Variants in ANKRD18A observed in about 807,000 individuals in gnomAD.
The protein encoded by ANKRD18A is ankyrin repeat domain 18A, also known as ankyrin repeat domain-containing protein 18A.
A neutral mutation model predicts 110.6 loss-of-function variants in ANKRD18A; 72 were observed. That is an observed-to-expected ratio of 0.65 (90% CI 0.54 to 0.79). ANKRD18A has a LOEUF of 0.79. Among genes scored for constraint, ANKRD18A ranks in the 30% least tolerant of loss-of-function variants. The probability of loss-of-function intolerance (pLI) is 0.00; values close to 1 mark genes in which losing one functional copy is unlikely to be tolerated. For missense variants in ANKRD18A, 934 were observed against 1,163.3 expected (o/e 0.80, Z 2.87); for synonymous variants, 305 against 410.3 (o/e 0.74, Z 3.10).
chr9:38,611,365 T>G, intron 3 of ANKRD18A, 44 bp from the exon 4 acceptor site: 2 of 1,500,076 alleles, frequency 1.3e-6, no homozygotes, highest in Non-Finnish European at 1.8e-6. Flanking sequence ...AAATTACATA[T>G]TTCTCCACTG....
intron 12 of ANKRD18A, among the ~76,000 whole-genome samples, chr9:38,579,436 A>G (rs1824054517): frequency 1.3e-5 from 2 of 152,190 alleles, no homozygotes; most frequent in Admixed American, 1.3e-4. Context: ...CAAATATCCA[A>G]AGTACACAAG....
In ANKRD18A at chr9:38,620,014, G is replaced by A. The variant is rs576459432; in HGVS notation, c.206+66C>T. 5.6e-5 allele frequency: 85 copies of A among 1,530,896 alleles called. 1 individual carries two copies. The South Asian group carries it at 8.4e-4, about 15-fold the overall frequency. The allele number at this position is 1,530,896 out of a possible 1,614,324, so 94.8% of individuals were successfully genotyped here. On this transcript the variant is annotated intron_variant, in intron 1 of 15. Coordinates refer to ENST00000399703, the MANE Select transcript of ANKRD18A (RefSeq NM_147195.4). ...GCCCTCCAAGGTCCCCGCCCCAGGG[G>A]CTGCCGGGCTGCAGGGAAGCCGGGC...
chr9:38,571,005 T>C, downstream of ANKRD18A: 1 of 1,166,486 alleles, frequency 8.6e-7, no homozygotes, highest in Non-Finnish European at 1.1e-6. Context: ...AGCCCCGACC[T>C]AGAGACACAG....
chr9:38,569,389 G>A (rs1363036352), downstream of ANKRD18A: 3 of 985,258 alleles, frequency 3.0e-6, no homozygotes, highest in African/African-American at 5.2e-5. Flanking sequence ...GAAGAGAGCA[G>A]GTCCCACTCA....
Position 38,577,938 on chromosome 9 carries a change from G to C in ANKRD18A, c.2458C>G (p.Gln820Glu), listed in dbSNP as rs780646647. ...EKDMVELGKLQEYKSELDERA... is the reference protein window; with the variant it reads ...EKDMVELGKLEEYKSELDERA... ...TCATCCAGCTCCGATTTATATTCTT[G>C]TAGTTTACCAAGTTCTACCATATCT... is the stretch of plus-strand genomic sequence containing the variant. The change falls in exon 13 of 16, where the codon CAA (glutamine) becomes GAA (glutamate). Residue 820 changes from glutamine (Q) to glutamate (E), a missense_variant. By Grantham distance (29) the Gln-to-Glu change is conservative. Coordinates refer to ENST00000399703, the MANE Select transcript of ANKRD18A (RefSeq NM_147195.4). 3.1e-6 allele frequency: 5 copies of C among 1,593,848 alleles called. No homozygotes were observed. Among genetic ancestry groups the C allele is most frequent in the Non-Finnish European group, 4.3e-6 (5 of 1,168,750 alleles).
chr9:38,609,940 C>CAAAA, intron 5 of ANKRD18A, among the ~76,000 whole-genome samples: 1 of 91,124 alleles, frequency 1.1e-5, no homozygotes, highest in East Asian at 2.8e-4. Context: ...GACCTTGTCT[C>CAAAA]AAAAAAAAAA....
intron 7 of ANKRD18A, among the ~76,000 whole-genome samples, chr9:38,602,791 C>T (rs182557046): frequency 1.2e-4 from 19 of 152,262 alleles, no homozygotes; most frequent in Non-Finnish European, 2.5e-4. Flanking sequence ...CTGCTTTGGC[C>T]TCCCAGGTAG....
At chr9:38,570,162 T>C (rs1974261), downstream of ANKRD18A, among the ~76,000 whole-genome samples, 49,973 of 151,594 alleles carry the variant, frequency 0.33, 8,656 homozygotes, top group East Asian at 0.44. Context: ...ACGGACCATG[T>C]CTCCCTAACC....
chr9:38,608,541 A>G (rs1314995537), intron 5 of ANKRD18A, among the ~76,000 whole-genome samples: 2 of 147,556 alleles, frequency 1.4e-5, no homozygotes, highest in Non-Finnish European at 3.0e-5. Context: ...TAATTATATA[A>G]TATATAGATT....
Position 38,620,366 on chromosome 9 carries a change from A to G in ANKRD18A, c.-81T>C, listed in dbSNP as rs1250622101. ...GGCCTTTCCACCCCCACTCCGCCCC[A>G]AATCCGCGATCTCCCCCGCAACCCG... On this transcript the variant is annotated 5_prime_UTR_variant, in exon 1 of 16. Coordinates refer to ENST00000399703, the MANE Select transcript of ANKRD18A (RefSeq NM_147195.4). 7 of 1,178,890 alleles carry G rather than the reference A, an allele frequency of 5.9e-6. No homozygotes were observed. The highest frequency in any genetic ancestry group is 7.8e-6 in the Non-Finnish European group (7 of 902,088). 73.0% of individuals were successfully genotyped at this position (1,178,890 alleles called of 1,614,324 possible). A position where few individuals can be genotyped will look rare whatever the true frequency, so the allele number is the denominator to read the frequency against.
At position 38,571,758 on chromosome 9, in the gene ANKRD18A, G is replaced by A. The variant is rs1283793230; in HGVS notation, c.*287C>T. ...TGAGTAGGCCAAACTCAATAACGCT[G>A]GTGTTCATTTGCAAGATCCACTTAA... On this transcript the variant is annotated 3_prime_UTR_variant, in exon 16 of 16. Transcript: ENST00000399703. The A allele has an allele frequency of 2.7e-6, 3 of 1,090,968 alleles. No homozygotes were observed. The highest frequency in any genetic ancestry group is 2.2e-6 in the Non-Finnish European group (2 of 897,350). The allele number at this position is 1,090,968 out of a possible 1,614,324, so 67.6% of individuals were successfully genotyped here.
chr9:38,588,109 A>G (rs1216671505), intron 11 of ANKRD18A, among the ~76,000 whole-genome samples: 1 of 152,164 alleles, frequency 6.6e-6, no homozygotes, highest in Non-Finnish European at 1.5e-5. Flanking sequence ...AAATAAATAA[A>G]TAAAAATAGG....
chr9:38,588,724 A>G (rs1339071966), intron 10 of ANKRD18A, 61 bp from the exon 11 acceptor site: 3 of 1,069,186 alleles, frequency 2.8e-6, no homozygotes, highest in Non-Finnish European at 3.7e-6. Flanking sequence ...CTATCTTAAA[A>G]ATATTATTTC....
chr9:38,601,733 G>T (rs1234290651), intron 7 of ANKRD18A, among the ~76,000 whole-genome samples: 1 of 152,064 alleles, frequency 6.6e-6, no homozygotes, highest in Non-Finnish European at 1.5e-5. Flanking sequence ...GCTCACACCT[G>T]TAATCCCAGC....
chr9:38,595,895 T>C lies in ANKRD18A; in HGVS notation c.1445A>G (p.Lys482Arg), dbSNP rs1824857938. 1.9e-6 allele frequency: 3 copies of C among 1,551,288 alleles called. No homozygotes were observed. Among genetic ancestry groups the C allele is most frequent in the Admixed American group, 3.9e-5 (2 of 50,930 alleles). ...GAGCTTACCTTTTAAGGTATTGAAC[T>C]TCACCCGAGCTTTATGGACCTGTTC... ...LTEQVHKARV[K>R]FNTLKGKLRE... is the part of the protein sequence containing the mutation. Residue 482 changes from lysine to arginine, a missense_variant, in exon 9 of 16, where the codon AAG (lysine) becomes AGG (arginine). By Grantham distance (26) the Lys-to-Arg change is conservative. Transcript: ENST00000399703.
intron 13 of ANKRD18A, among the ~76,000 whole-genome samples, chr9:38,577,635 C>A (rs1404536433): frequency 1.3e-5 from 2 of 151,930 alleles, no homozygotes; most frequent in Non-Finnish European, 2.9e-5. Context: ...CATCAAATTC[C>A]CCCTTTTACT....
At chr9:38,578,209 A>T in intron 12 of ANKRD18A, 61 bp from the exon 13 acceptor site, 1 of 1,438,398 alleles carries the variant, frequency 7.0e-7, no homozygotes, top group Non-Finnish European at 9.3e-7. Flanking sequence ...CCAATACAAA[A>T]CCAATAGCAA....
chr9:38,610,857 T>TATAATAATA (rs55823641), intron 4 of ANKRD18A, among the ~76,000 whole-genome samples: 3,337 of 133,780 alleles, frequency 0.025, 179 homozygotes, highest in Admixed American at 0.093. Flanking sequence ...CAGCAACAAC[T>TATAATAATA]ATAATAATAA....
At chr9:38,591,835 A>C (rs1389286733) in intron 10 of ANKRD18A, among the ~76,000 whole-genome samples, 1 of 152,208 alleles carries the variant, frequency 6.6e-6, no homozygotes, top group African/African-American at 2.4e-5. Flanking sequence ...CAGCAGAGAC[A>C]GGCTGAGCCA....
Sources: gnomAD v4.1 joint callset for allele counts (sites outside exome capture counted in the v4.1 genomes callset) on GRCh38, gnomAD v4.1.1 for gene constraint, MANE v1.5 for transcripts, NCBI Gene and HGNC (gene_info 2026-07-23, HGNC 2026-07-21) for gene names.